Variants in CAB39L observed in about 807,000 individuals in gnomAD.
CAB39L encodes the protein calcium binding protein 39 like.
Under a neutral mutation model 39.1 loss-of-function variants are expected in CAB39L, and 23 were observed. The observed-to-expected ratio is 0.59, with a 90% CI of 0.42 to 0.83. The LOEUF is 0.83. CAB39L is among the 40% of genes least tolerant of loss of function. CAB39L has a pLI of 0.00. For synonymous variants in CAB39L, 126 were observed against 137.2 expected (o/e 0.92, Z 0.57); for missense variants, 366 against 391.9 (o/e 0.93, Z 0.56).
chr13:49,363,877 GA>G (rs56879511), intron 5 of CAB39L, among the ~76,000 whole-genome samples: 34,164 of 146,992 alleles, frequency 0.23, 4,172 homozygotes, highest in Middle Eastern at 0.3. Flanking sequence ...CTGAATGGAT[GA>G]AAAAAAAACA....
At chr13:49,341,185 G>A (rs1954993879) in intron 8 of CAB39L, among the ~76,000 whole-genome samples, 2 of 151,910 alleles carry the variant, frequency 1.3e-5, no homozygotes, top group Admixed American at 1.3e-4. Flanking sequence ...AGCATATATA[G>A]TTACTGAACA....
chr13:49,331,949 TA>T lies in CAB39L; in HGVS notation c.831del (p.Phe277LeufsTer19). The part of the protein sequence containing the change: ...PNIQFEAFHV[F>X]KVFVASPHKT... ...TTTCCAGAGCTTGTACTTTTTACCT[TA>T]AAAACATGAAAGGCTTCAAACTGGA... On this transcript the variant is annotated frameshift_variant, in exon 10 of 11. Coordinates refer to ENST00000409308, the MANE Select transcript of CAB39L (RefSeq NM_001079670.3). LOFTEE classifies it high-confidence loss of function. 1 of 1,614,014 alleles carries T rather than the reference TA, an allele frequency of 6.2e-7. No homozygotes were observed. The highest frequency in any genetic ancestry group is 8.5e-7 in the Non-Finnish European group (1 of 1,179,972).
Position 49,330,124 on chromosome 13 carries a change from A to G in CAB39L, c.834+1823T>C, listed in dbSNP as rs184346735. Among the ~76,000 whole-genome samples the G allele has an allele frequency of 1.6e-3, 243 of 152,292 alleles. 2 individuals are homozygous for G. Among genetic ancestry groups the G allele is most frequent in the African/African-American group, 5.7e-3 (235 of 41,552 alleles). On this transcript the variant is annotated intron_variant, in intron 10 of 10. Coordinates refer to ENST00000409308, the MANE Select transcript of CAB39L (RefSeq NM_001079670.3). ...CTGCTTTCCACCTGGACTGGGACCC[A>G]AGACAGCTACCAGAACAAGAAATAC...
At chr13:49,367,930 C>CAA (rs148092096) in intron 5 of CAB39L, among the ~76,000 whole-genome samples, 1,732 of 134,966 alleles carry the variant, frequency 0.013, 29 homozygotes, top group African/African-American at 0.043. Flanking sequence ...GACCCTGTCT[C>CAA]AAAAAAAAAA....
chr13:49,361,708 C>T (rs146856134), intron 5 of CAB39L, among the ~76,000 whole-genome samples: 2 of 152,254 alleles, frequency 1.3e-5, no homozygotes, highest in East Asian at 1.9e-4. Flanking sequence ...ACCACATATA[C>T]ACAACATTTT....
At chr13:49,383,516 A>G (rs566753807) in intron 3 of CAB39L, among the ~76,000 whole-genome samples, 2 of 152,330 alleles carry the variant, frequency 1.3e-5, no homozygotes, top group South Asian at 4.1e-4. Flanking sequence ...AATATTTTGC[A>G]TTAAAGTAGA....
chr13:49,384,304 C>T (rs192230747), intron 3 of CAB39L, among the ~76,000 whole-genome samples: 9 of 152,330 alleles, frequency 5.9e-5, no homozygotes, highest in Non-Finnish European at 1.2e-4. Context: ...GCAATTCAGT[C>T]ACATCTTCAG....
Position 49,309,575 on chromosome 13 carries a change from C to T in CAB39L, c.*1239G>A, listed in dbSNP as rs1473268754. 2 of 152,136 alleles carry T rather than the reference C, an allele frequency of 1.3e-5. No homozygotes were observed. Among genetic ancestry groups the T allele is most frequent in the African/African-American group, 2.4e-5 (1 of 41,414 alleles). 9.4% of individuals were successfully genotyped at this position (152,136 alleles called of 1,614,324 possible). On this transcript the variant is annotated 3_prime_UTR_variant, in exon 11 of 11. Transcript: ENST00000409308. ...CTTGTAAAATATCGCTTTAAAATCC[C>T]GTTTTAGATGGTTGATGTCTGAAAC...
chr13:49,354,703 G>A (rs1955442461), intron 6 of CAB39L, among the ~76,000 whole-genome samples: 1 of 152,124 alleles, frequency 6.6e-6, no homozygotes, highest in Non-Finnish European at 1.5e-5. Context: ...AGATCATATA[G>A]TCTGGACTAT....
At chr13:49,421,203 C>T (rs888467727) in intron 3 of CAB39L, among the ~76,000 whole-genome samples, 6 of 152,042 alleles carry the variant, frequency 3.9e-5, no homozygotes, top group Non-Finnish European at 7.4e-5. Context: ...CCTCTCTGCC[C>T]GCCCCTGGAA....
rs145808461 is a variant in CAB39L at position 49,402,421 on chromosome 13, G to A, written c.-31-19480C>T. On this transcript the variant is annotated intron_variant, in intron 3 of 10. Transcript: ENST00000409308. ...GCAGCTTGGAATACGTGCTGGCTCT[G>A]TATGAATGCTAGTCAGATCCTGCTT... Among the ~76,000 whole-genome samples the A allele has an allele frequency of 2.6e-5, 4 of 152,282 alleles. No homozygotes were observed. The East Asian group carries it at 7.7e-4, about 29-fold the overall frequency.
intron 3 of CAB39L, among the ~76,000 whole-genome samples, chr13:49,396,729 A>C (rs1956641869): frequency 6.6e-6 from 1 of 152,162 alleles, no homozygotes; most frequent in South Asian, 2.1e-4. Context: ...AAAAAAATTC[A>C]GAAAAGGTCA....
intron 1 of CAB39L, among the ~76,000 whole-genome samples, chr13:49,435,013 G>A (rs115795715): frequency 2.6e-4 from 39 of 152,274 alleles, no homozygotes; most frequent in African/African-American, 8.7e-4. Flanking sequence ...CTTCCATTTA[G>A]AGAAATCTCT....
At chr13:49,354,601 C>A (rs192230346) in intron 6 of CAB39L, among the ~76,000 whole-genome samples, 2 of 152,180 alleles carry the variant, frequency 1.3e-5, no homozygotes, top group Non-Finnish European at 2.9e-5. Flanking sequence ...AATGGCTAAC[C>A]CATGGCAGGT....
intron 7 of CAB39L, among the ~76,000 whole-genome samples, chr13:49,345,660 C>T (rs190134790): frequency 7.9e-5 from 12 of 152,180 alleles, no homozygotes. Context: ...GCATCCCTCC[C>T]CTAACATCAT....
intron 3 of CAB39L, among the ~76,000 whole-genome samples, chr13:49,431,056 A>G (rs191988491): frequency 1.3e-5 from 2 of 152,356 alleles, no homozygotes; most frequent in East Asian, 1.9e-4. Context: ...TTTAAAGCGT[A>G]CAACTCAAAA....
chr13:49,419,086 T>A (rs1054697042), intron 3 of CAB39L, among the ~76,000 whole-genome samples: 2 of 152,058 alleles, frequency 1.3e-5, no homozygotes, highest in Non-Finnish European at 1.5e-5. Context: ...TCTTGCCTCA[T>A]CTTCCTGAGT....
At chr13:49,409,658 A>G (rs541142544) in intron 3 of CAB39L, among the ~76,000 whole-genome samples, 1 of 152,284 alleles carries the variant, frequency 6.6e-6, no homozygotes, top group East Asian at 1.9e-4. Flanking sequence ...AAGAGGAATG[A>G]AGTTAGGAAG....
At chr13:49,326,052 C>A (rs141658023) in intron 10 of CAB39L, among the ~76,000 whole-genome samples, 229 of 152,342 alleles carry the variant, frequency 1.5e-3, no homozygotes, top group African/African-American at 5.3e-3. Context: ...GAGTGACAGA[C>A]TAGTGCCATA....
Sources: gnomAD v4.1 joint callset for allele counts (sites outside exome capture counted in the v4.1 genomes callset) on GRCh38, gnomAD v4.1.1 for gene constraint, MANE v1.5 for transcripts, NCBI Gene and HGNC (gene_info 2026-07-23, HGNC 2026-07-21) for gene names.